TMEM163: variants seen among roughly 807,000 people sequenced by gnomAD.
The protein encoded by TMEM163 is transmembrane protein 163.
Under a neutral mutation model 29.3 loss-of-function variants are expected in TMEM163, and 17 were observed. The ratio of observed to expected loss-of-function variants is 0.58; its 90% CI spans 0.40 to 0.87. The LOEUF is 0.87. Ranked by LOEUF, TMEM163 falls within the 40% of genes least tolerant of loss-of-function variation. The pLI is 0.00. For missense variants in TMEM163, 303 were observed against 381.5 expected (o/e 0.79, Z 1.71); for synonymous variants, 157 against 160.6 (o/e 0.98, Z 0.17).
At chr2:134,490,420 G>C (rs1015927040) in intron 5 of TMEM163, among the ~76,000 whole-genome samples, 12 of 152,228 alleles carry the variant, frequency 7.9e-5, no homozygotes, top group Admixed American at 7.8e-4. Context: ...GGTCCCTCCT[G>C]AACACAACTG....
At chr2:134,680,633 T>C (rs186974175) in intron 2 of TMEM163, among the ~76,000 whole-genome samples, 40 of 152,364 alleles carry the variant, frequency 2.6e-4, no homozygotes, top group African/African-American at 8.7e-4. Context: ...TCAGTTCTTC[T>C]GACAGCTACT....
rs756653755 is a variant in TMEM163, at chr2:134,456,756, G to A, written c.830C>T (p.Pro277Leu). ...YGVKLLIDMVPRVRQTRHYEM... is the reference protein window; with the variant it reads ...YGVKLLIDMVLRVRQTRHYEM... ...GTAGTGACGTGTCTGCCTCACCCTC[G>A]GCACCATGTCGATGAGGAGTCTGCA... The change falls in exon 8 of 8, where the codon CCG (proline) becomes CTG (leucine). Residue 277 changes from proline to leucine, a missense_variant. Transcript: ENST00000281924. The A allele has an allele frequency of 3.1e-5, 50 of 1,613,776 alleles. No homozygotes were observed. Among genetic ancestry groups the A allele is most frequent in the Non-Finnish European group, 4.0e-5 (47 of 1,179,928 alleles).
chr2:134,504,483 G>A lies in TMEM163; in HGVS notation c.459-1486C>T, dbSNP rs570116972. 1.9e-4 allele frequency among the ~76,000 whole-genome samples: 27 copies of A among 144,040 alleles called. No individual in the cohort carries two copies. In the South Asian group the frequency reaches 6.7e-3, roughly 36 times the overall value. 94.5% of individuals were successfully genotyped at this position (144,040 alleles called of 152,430 possible). A position where few individuals can be genotyped will look rare whatever the true frequency, so the allele number is the denominator to read the frequency against. ...AAATGAAACATTGAGGATCTTACCT[G>A]GGAGAACTCCACACTGCTGAAAAGT... On this transcript the variant is annotated intron_variant, in intron 4 of 7. Transcript: ENST00000281924.
chr2:134,523,054 A>G (rs1574204311), intron 4 of TMEM163, among the ~76,000 whole-genome samples: 2 of 152,378 alleles, frequency 1.3e-5, no homozygotes, highest in Admixed American at 6.5e-5. Context: ...AATCTGCTCC[A>G]TTAATGCCAG....
intron 4 of TMEM163, among the ~76,000 whole-genome samples, chr2:134,536,946 G>T (rs1193805417): frequency 6.6e-6 from 1 of 152,162 alleles, no homozygotes; most frequent in African/African-American, 2.4e-5. Flanking sequence ...CATAGCCAAA[G>T]AAAAGACTTA....
chr2:134,506,355 C>T (rs538114144), intron 4 of TMEM163, among the ~76,000 whole-genome samples: 37 of 152,198 alleles, frequency 2.4e-4, no homozygotes, highest in Non-Finnish European at 4.6e-4. Flanking sequence ...TATTTTTTAA[C>T]GATTTATTAA....
At position 134,507,797 on chromosome 2, in the gene TMEM163, T is replaced by C. The variant is rs572357778; in HGVS notation, c.459-4800A>G. Among the ~76,000 whole-genome samples the C allele has an allele frequency of 2.8e-4, 43 of 152,174 alleles. 1 individual carries two copies. The highest frequency in any genetic ancestry group is 2.1e-4 in the South Asian group (1 of 4,812). On this transcript the variant is annotated intron_variant, in intron 4 of 7. Coordinates refer to ENST00000281924, the MANE Select transcript of TMEM163 (RefSeq NM_030923.5). ...GCTTAAGCCCAGGAGGTTATGGCTA[T>C]AGTGAGCCATGATCGTGCCACTGCA...
chr2:134,680,717 C>G (rs1018066255), intron 2 of TMEM163, among the ~76,000 whole-genome samples: 1 of 152,158 alleles, frequency 6.6e-6, no homozygotes, highest in Non-Finnish European at 1.5e-5. Context: ...TGCTCAGAGT[C>G]TCAGAAAGTT....
At chr2:134,627,783 G>T (rs1682886244) in intron 2 of TMEM163, among the ~76,000 whole-genome samples, 2 of 152,128 alleles carry the variant, frequency 1.3e-5, no homozygotes, top group East Asian at 1.9e-4. Flanking sequence ...GGGAGAAATA[G>T]AATACAATAT....
intron 3 of TMEM163, 35 bp from the exon 4 acceptor site, chr2:134,550,696 A>G (rs1680897566): frequency 2.5e-6 from 4 of 1,586,316 alleles, no homozygotes. Context: ...GAGGCTTTCC[A>G]CAGTTAATAG....
At chr2:134,466,039 TA>T in intron 6 of TMEM163, 74 bp downstream of exon 6, 1 of 1,102,250 alleles carries the variant, frequency 9.1e-7, no homozygotes, top group Non-Finnish European at 1.3e-6. Context: ...GGGAAACAAC[TA>T]AAAGAGACCC....
intron 2 of TMEM163, among the ~76,000 whole-genome samples, chr2:134,576,959 A>G (rs1287624960): frequency 6.6e-6 from 1 of 152,148 alleles, no homozygotes; most frequent in Non-Finnish European, 1.5e-5. Context: ...TTTATGCATG[A>G]TCACATTCCA....
intron 4 of TMEM163, among the ~76,000 whole-genome samples, chr2:134,514,695 C>T (rs1680019991): frequency 6.6e-6 from 1 of 152,180 alleles, no homozygotes; most frequent in Non-Finnish European, 1.5e-5. Context: ...TGCTCTCAAC[C>T]TCACACCCCT....
intron 2 of TMEM163, among the ~76,000 whole-genome samples, chr2:134,556,567 C>A (rs1167373834): frequency 6.6e-6 from 1 of 152,154 alleles, no homozygotes; most frequent in Non-Finnish European, 1.5e-5. Context: ...CACCTATAAT[C>A]CCAGCACTTA....
intron 2 of TMEM163, among the ~76,000 whole-genome samples, chr2:134,704,188 A>G (rs1440771269): frequency 6.6e-6 from 1 of 152,094 alleles, no homozygotes; most frequent in Non-Finnish European, 1.5e-5. Context: ...ACCTAGGACC[A>G]TGTCCATGTT....
intron 5 of TMEM163, among the ~76,000 whole-genome samples, chr2:134,495,047 G>T (rs929068857): frequency 6.6e-6 from 1 of 152,216 alleles, no homozygotes; most frequent in Non-Finnish European, 1.5e-5. Context: ...TTGCCGTGAA[G>T]AATCTACTGC....
rs1017722039 is a variant in TMEM163, at chr2:134,634,666, G to T, written c.322+78534C>A. On this transcript the variant is annotated intron_variant, in intron 2 of 7. Transcript: ENST00000281924. The stretch of plus-strand genomic sequence containing the variant: ...TGACAATTTAACACAATATGACAGG[G>T]ATCCACCAACTCTTTCTGAAAAGGG... 3.9e-5 allele frequency among the ~76,000 whole-genome samples: 6 copies of T among 152,212 alleles called. 1 individual carries two copies. In the East Asian group the frequency reaches 7.7e-4, roughly 20 times the overall value.
intron 2 of TMEM163, among the ~76,000 whole-genome samples, chr2:134,597,993 ATTC>A (rs1382546051): frequency 2.0e-5 from 3 of 151,694 alleles, no homozygotes; most frequent in African/African-American, 7.3e-5. Flanking sequence ...TGTCTATTTG[ATTC>A]TTCTCTCTTT....
chr2:134,716,160 G>A (rs1235835221), intron 1 of TMEM163, among the ~76,000 whole-genome samples: 1 of 152,204 alleles, frequency 6.6e-6, no homozygotes, highest in African/African-American at 2.4e-5. Flanking sequence ...TGGGCCCTAA[G>A]GTTACGGACA....
Sources: allele counts gnomAD v4.1 joint callset (sites outside exome capture counted in the v4.1 genomes callset), GRCh38; gene constraint gnomAD v4.1.1; transcripts MANE v1.5; gene names NCBI Gene and HGNC (gene_info 2026-07-23, HGNC 2026-07-21).